Variants in ARHGAP23 observed in about 807,000 individuals in gnomAD.
The protein encoded by ARHGAP23 is Rho GTPase activating protein 23, also known as rho GTPase-activating protein 23.
A neutral mutation model predicts 136.3 loss-of-function variants in ARHGAP23; 34 were observed. The ratio of observed to expected loss-of-function variants is 0.25; its 90% CI spans 0.19 to 0.33. The LOEUF (loss-of-function observed/expected upper bound fraction) is 0.33. Among genes scored for constraint, ARHGAP23 ranks in the 10% least tolerant of loss-of-function variants. The probability of loss-of-function intolerance (pLI) is 1.00; values close to 1 mark genes in which losing one functional copy is unlikely to be tolerated. For missense variants in ARHGAP23, 1,808 were observed against 2,139.0 expected (o/e 0.85, Z 3.05); for synonymous variants, 832 against 920.5 (o/e 0.90, Z 1.74).
intron 1 of ARHGAP23, among the ~76,000 whole-genome samples, chr17:38,457,070 C>T (rs779551942): frequency 5.3e-5 from 8 of 152,176 alleles, no homozygotes; most frequent in Admixed American, 6.5e-5. Context: ...CCACCATGCC[C>T]GGCTAATTTT....
intron 11 of ARHGAP23, among the ~76,000 whole-genome samples, chr17:38,473,205 C>T (rs528707596): frequency 2.0e-5 from 3 of 151,376 alleles, no homozygotes; most frequent in East Asian, 1.9e-4. Context: ...GTGTCTGCCT[C>T]GGCCTCCCAA....
At chr17:38,494,124 C>T (rs1227767617) in intron 20 of ARHGAP23, among the ~76,000 whole-genome samples, 2 of 152,180 alleles carry the variant, frequency 1.3e-5, no homozygotes, top group Non-Finnish European at 2.9e-5. Context: ...CCAGACATTG[C>T]CAAGTGCCCA....
chr17:38,453,497 C>A (rs1346419610), intron 1 of ARHGAP23, among the ~76,000 whole-genome samples: 1 of 143,846 alleles, frequency 7.0e-6, no homozygotes, highest in Non-Finnish European at 1.5e-5. Context: ...GTGTGCGGGC[C>A]GGGGGAGAGT....
chr17:38,480,839 C>T (rs1183234699), intron 14 of ARHGAP23, among the ~76,000 whole-genome samples: 4 of 150,134 alleles, frequency 2.7e-5, no homozygotes, highest in South Asian at 4.2e-4. Context: ...GAAAGTTGTT[C>T]CCTTGGGCCA....
intron 23 of ARHGAP23, among the ~76,000 whole-genome samples, chr17:38,501,904 AT>A (rs2040529616): frequency 6.6e-6 from 1 of 150,740 alleles, no homozygotes; most frequent in Admixed American, 6.6e-5. Context: ...AAATAGTATA[AT>A]TTTAAATATT....
intron 6 of ARHGAP23, among the ~76,000 whole-genome samples, chr17:38,464,617 C>T (rs2039539858): frequency 6.6e-6 from 1 of 152,196 alleles, no homozygotes; most frequent in Admixed American, 6.5e-5. Context: ...GGACTGCTTA[C>T]CCCAAGTCTC....
chr17:38,469,822 CT>C lies in ARHGAP23; in HGVS notation c.1917-24del, dbSNP rs947060351. The C allele has an allele frequency of 9.7e-6, 15 of 1,551,364 alleles. No individual in the cohort carries two copies. In the Admixed American group the frequency reaches 1.8e-4, roughly 18 times the overall value. The stretch of plus-strand genomic sequence containing the variant: ...GGTCCCAGCTTTGCTGCCCACATCC[CT>C]CACCCTCGACCCTCGCTTTCCAGGC... On this transcript the variant is annotated intron_variant, in intron 9 of 23. Transcript: ENST00000622683.
In ARHGAP23 at chr17:38,511,155, C is replaced by G. The variant is rs865868868; in HGVS notation, c.*183C>G. Reference sequence around the variant, plus strand: ...GCAGGGCAGAGGAGAAGGCTGGGGCCGGACTAATTGAATGGAAGGGGGTTC... The same window carrying G: ...GCAGGGCAGAGGAGAAGGCTGGGGCGGGACTAATTGAATGGAAGGGGGTTC... On this transcript the variant is annotated 3_prime_UTR_variant, in exon 24 of 24. Coordinates refer to ENST00000622683, the MANE Select transcript of ARHGAP23 (RefSeq NM_001199417.2). 3 of 644,598 alleles carry G rather than the reference C, an allele frequency of 4.7e-6. No homozygotes were observed. The highest frequency in any genetic ancestry group is 1.9e-5 in the African/African-American group (1 of 51,378). 39.9% of individuals were successfully genotyped at this position (644,598 alleles called of 1,614,324 possible).
At chr17:38,505,090 T>C (rs1020139806) in intron 23 of ARHGAP23, among the ~76,000 whole-genome samples, 15 of 138,084 alleles carry the variant, frequency 1.1e-4, no homozygotes, top group Admixed American at 7.9e-4. Context: ...CTGCAGCCTC[T>C]AACTGCTGTG....
upstream of ARHGAP23, among the ~76,000 whole-genome samples, chr17:38,428,202 C>G (rs1382350638): frequency 6.6e-6 from 1 of 152,214 alleles, no homozygotes; most frequent in Non-Finnish European, 1.5e-5. Flanking sequence ...GCAAGCGTCT[C>G]CTGGAGACCG....
intron 6 of ARHGAP23, among the ~76,000 whole-genome samples, chr17:38,464,487 A>G (rs2039536363): frequency 6.6e-6 from 1 of 152,122 alleles, no homozygotes; most frequent in Admixed American, 6.5e-5. Flanking sequence ...GCACTCTCCT[A>G]ATCACTGTAA....
intron 1 of ARHGAP23, among the ~76,000 whole-genome samples, chr17:38,434,009 C>T (rs752628088): frequency 6.6e-6 from 1 of 151,998 alleles, no homozygotes; most frequent in Non-Finnish European, 1.5e-5. Flanking sequence ...GACAAGGTTT[C>T]GGCATGTTGG....
chr17:38,421,070 T>C (rs1385454162), intron 1 of ARHGAP23, among the ~76,000 whole-genome samples: 2 of 152,132 alleles, frequency 1.3e-5, no homozygotes, highest in Non-Finnish European at 2.9e-5. Flanking sequence ...CAGCCCTCCG[T>C]AACTGTTCTG....
At chr17:38,427,462 G>GA (rs11408302), upstream of ARHGAP23, among the ~76,000 whole-genome samples, 57,220 of 144,496 alleles carry the variant, frequency 0.4, 11,154 homozygotes, top group Non-Finnish European at 0.43. Flanking sequence ...AGACCCTGCC[G>GA]AAAAAAAAAA....
upstream of ARHGAP23, among the ~76,000 whole-genome samples, chr17:38,427,887 T>G (rs1203680432): frequency 6.6e-6 from 1 of 152,198 alleles, no homozygotes; most frequent in Non-Finnish European, 1.5e-5. Context: ...TCTCAATGTC[T>G]AGGGGTCTCT....
In ARHGAP23 at chr17:38,466,954, C is replaced by T; in HGVS notation, c.1271C>T (p.Pro424Leu). Residue 424 changes from proline to leucine, a missense_variant, in exon 7 of 24, where the codon CCA (proline) becomes CTA (leucine). Coordinates refer to ENST00000622683, the MANE Select transcript of ARHGAP23 (RefSeq NM_001199417.2). ...LGYIGYRSYS[P>L]SFQRRTGLLH... The stretch of plus-strand genomic sequence containing the variant: ...TACATCGGCTACCGGAGCTACAGCC[C>T]ATCATTCCAGCGCCGGACCGGCCTC... The T allele has an allele frequency of 6.4e-7, 1 of 1,550,552 alleles. No homozygotes were observed. The highest frequency in any genetic ancestry group is 8.7e-7 in the Non-Finnish European group (1 of 1,146,952).
intron 17 of ARHGAP23, among the ~76,000 whole-genome samples, chr17:38,487,212 C>T (rs1441189452): frequency 1.3e-5 from 2 of 152,166 alleles, no homozygotes; most frequent in Non-Finnish European, 2.9e-5. Context: ...GAGATTCATT[C>T]GTGTCAGTGC....
Position 38,486,040 on chromosome 17 carries a change from T to C in ARHGAP23, c.2908-22T>C. On this transcript the variant is annotated intron_variant, in intron 16 of 23. Transcript: ENST00000622683. ...GCATCGGGCTGGGCCTGCCTGTGCC[T>C]GACATCTGACCCCTCCCCCAGCGCT... is the stretch of plus-strand genomic sequence containing the variant. The C allele has an allele frequency of 1.9e-6, 3 of 1,549,726 alleles. 1 individual carries two copies. In the South Asian group the frequency reaches 3.6e-5, roughly 18 times the overall value.
At chr17:38,434,326 G>A (rs915537562) in intron 1 of ARHGAP23, among the ~76,000 whole-genome samples, 19 of 152,244 alleles carry the variant, frequency 1.2e-4, no homozygotes, top group African/African-American at 3.1e-4. Flanking sequence ...ATTTGGGGGC[G>A]TCCGGGGGTC....
Sources: gnomAD v4.1 joint callset for allele counts (sites outside exome capture counted in the v4.1 genomes callset) on GRCh38, gnomAD v4.1.1 for gene constraint, MANE v1.5 for transcripts, NCBI Gene and HGNC (gene_info 2026-07-23, HGNC 2026-07-21) for gene names.